The following TRAK1 variants were observed in gnomAD, a reference collection of about 807,000 sequenced individuals.
The protein encoded by TRAK1 is trafficking kinesin protein 1.
Under a neutral mutation model 92.1 loss-of-function variants are expected in TRAK1, and 33 were observed. That is an observed-to-expected ratio of 0.36 (90% confidence interval 0.27 to 0.48). TRAK1 has a LOEUF of 0.48. TRAK1 is among the 20% of genes least tolerant of loss of function. The pLI, the probability that TRAK1 is intolerant of heterozygous loss-of-function variation, is 0.99. For missense variants in TRAK1, 1,123 were observed against 1,257.9 expected, an observed-to-expected ratio of 0.89 and a Z score of 1.62; for synonymous variants, 521 against 517.3, an observed-to-expected ratio of 1.01 and a Z score of -0.10.
intron 1 of TRAK1, among the ~76,000 whole-genome samples, chr3:42,043,415 T>C (rs893258552): frequency 1.3e-5 from 2 of 151,906 alleles, no homozygotes; most frequent in African/African-American, 4.8e-5. Context: ...TTTCTCCTCC[T>C]AGTCCCCTCC....
chr3:42,133,939 A>T (rs1385318272), intron 2 of TRAK1, among the ~76,000 whole-genome samples: 1 of 152,356 alleles, frequency 6.6e-6, no homozygotes, highest in East Asian at 1.9e-4. Context: ...AAATTTTTTT[A>T]AAAAGAATAC....
chr3:42,042,232 C>A (rs1167574380), intron 1 of TRAK1, among the ~76,000 whole-genome samples: 2 of 151,684 alleles, frequency 1.3e-5, no homozygotes, highest in Non-Finnish European at 2.9e-5. Context: ...CGGCCTGTTT[C>A]TAGTTTGTTG....
chr3:42,184,810 T>G lies in TRAK1; in HGVS notation c.480+9T>G, dbSNP rs775031153. The G allele has an allele frequency of 6.2e-7, 1 of 1,612,178 alleles. No individual in the cohort carries two copies. Among genetic ancestry groups the G allele is most frequent in the East Asian group, 2.2e-5 (1 of 44,874 alleles). ...AACACATCAGGGAGGAGGTAAGACA[T>G]TGGAGGCCGAGGCTTCCAGAGGGGC... On this transcript the variant is annotated intron_variant, in intron 4 of 15. Transcript: ENST00000327628.
At chr3:42,159,154 C>G (rs1171147787) in intron 2 of TRAK1, among the ~76,000 whole-genome samples, 1 of 152,022 alleles carries the variant, frequency 6.6e-6, no homozygotes, top group Admixed American at 6.6e-5. Flanking sequence ...GCAGAATTCT[C>G]GGCCCTAAGG....
At chr3:42,084,247 A>G (rs1261928229), upstream of TRAK1, among the ~76,000 whole-genome samples, 1 of 152,114 alleles carries the variant, frequency 6.6e-6, no homozygotes, top group African/African-American at 2.4e-5. Flanking sequence ...GCTAATTTAT[A>G]GACTCGGTAT....
At chr3:42,148,919 G>T (rs750268859) in intron 2 of TRAK1, among the ~76,000 whole-genome samples, 1 of 152,166 alleles carries the variant, frequency 6.6e-6, no homozygotes, top group African/African-American at 2.4e-5. Context: ...TCTTTCTATC[G>T]TGACCCAAAG....
rs776184775 is a variant in TRAK1, at chr3:42,223,294, G to A, written c.2419G>A (p.Asp807Asn). 3.8e-5 allele frequency: 61 copies of A among 1,613,990 alleles called. No individual in the cohort carries two copies. Among genetic ancestry groups the A allele is most frequent in the South Asian group, 1.5e-4 (14 of 91,080 alleles). Residue 807 changes from aspartate to asparagine, a missense_variant, in exon 16 of 16, where the codon GAC (aspartate) becomes AAC (asparagine). Physicochemically the swap from Asp to Asn is conservative, Grantham distance 23. Around this residue, in one of 3 missense-constraint regions of TRAK1, gnomAD observed 401 missense variants for 438.9 expected, o/e 0.91. Transcript: ENST00000327628. The surrounding 1 kb of genome is among the most constrained non-coding windows in gnomAD (Gnocchi z 6.1). ...FEFKCTSPPY[D>N]NFLASKPASS... ...GTTCAAGTGCACGAGCCCTCCCTAC[G>A]ACAATTTCCTGGCTTCCAAGCCAGC...
intron 1 of TRAK1, among the ~76,000 whole-genome samples, chr3:42,053,533 G>A (rs1576190460): frequency 6.6e-6 from 1 of 152,052 alleles, no homozygotes; most frequent in South Asian, 2.1e-4. Flanking sequence ...TTTCCTCCTG[G>A]ACCCTGGTGT....
chr3:42,125,297 T>A (rs1159199982), intron 1 of TRAK1, 123 bp from the exon 2 acceptor site: 2 of 826,536 alleles, frequency 2.4e-6, no homozygotes, highest in African/African-American at 3.4e-5. Context: ...TATAGCCTTG[T>A]CTAGCTTCTT....
chr3:42,109,803 G>A (rs1708085569), intron 1 of TRAK1, among the ~76,000 whole-genome samples: 1 of 151,860 alleles, frequency 6.6e-6, no homozygotes, highest in African/African-American at 2.4e-5. Flanking sequence ...TCCTTTGTAG[G>A]GACATGGATG....
intron 1 of TRAK1, among the ~76,000 whole-genome samples, chr3:42,107,841 G>A (rs1484045630): frequency 1.3e-5 from 2 of 151,706 alleles, no homozygotes; most frequent in Non-Finnish European, 2.9e-5. Context: ...TTCAGAGGGA[G>A]ACTGTGCAGT....
chr3:42,218,486 G>A (rs1007112520), intron 14 of TRAK1: 7 of 984,908 alleles, frequency 7.1e-6, no homozygotes, highest in Non-Finnish European at 8.4e-6. Flanking sequence ...GCACTTCATC[G>A]TGCATGCTAT....
intron 1 of TRAK1, among the ~76,000 whole-genome samples, chr3:42,098,729 G>A (rs1035900946): frequency 6.6e-6 from 1 of 152,184 alleles, no homozygotes; most frequent in African/African-American, 2.4e-5. Flanking sequence ...CATGGTGTTG[G>A]AAAAGAAGGA....
At chr3:42,124,137 TA>T (rs35151425) in intron 1 of TRAK1, among the ~76,000 whole-genome samples, 88,382 of 146,904 alleles carry the variant, frequency 0.6, 26,366 homozygotes, top group South Asian at 0.75. Flanking sequence ...GACACTGTCT[TA>T]AAAAAAAAAA....
At chr3:42,046,152 T>C (rs1702741026) in intron 1 of TRAK1, among the ~76,000 whole-genome samples, 1 of 152,130 alleles carries the variant, frequency 6.6e-6, no homozygotes, top group Admixed American at 6.6e-5. Context: ...AAGCCAGTAA[T>C]GTGTGTTCTG....
chr3:42,128,595 A>T (rs1262109976), intron 2 of TRAK1, among the ~76,000 whole-genome samples: 1 of 152,158 alleles, frequency 6.6e-6, no homozygotes, highest in African/African-American at 2.4e-5. Flanking sequence ...GGAGCAAAAA[A>T]ATTACTTTTA....
At chr3:42,109,825 C>G (rs1423998949) in intron 1 of TRAK1, among the ~76,000 whole-genome samples, 2 of 151,782 alleles carry the variant, frequency 1.3e-5, no homozygotes, top group African/African-American at 2.4e-5. Context: ...AGCTGGAAAC[C>G]ATCATTCTCA....
In TRAK1 at chr3:42,209,902, A is replaced by G. The variant is rs763760880; in HGVS notation, c.1880A>G (p.Asp627Gly). Residue 627 changes from aspartate to glycine, a missense_variant, in exon 14 of 16, where the codon GAC becomes GGC. Physicochemically the swap from Asp to Gly is moderately conservative, Grantham distance 94. Coordinates refer to ENST00000327628, the MANE Select transcript of TRAK1 (RefSeq NM_001042646.3). ...CTGGACGAAGTGTACTGCCTTAACGACTTTGAAGAAGATGACACAGGTGAC... is the reference window on the plus strand; with the variant it reads ...CTGGACGAAGTGTACTGCCTTAACGGCTTTGAAGAAGATGACACAGGTGAC... The part of the protein sequence containing the change: ...VDLDEVYCLN[D>G]FEEDDTGDHI... 2 of 1,614,140 alleles carry G rather than the reference A, an allele frequency of 1.2e-6. No individual in the cohort carries two copies. The highest frequency in any genetic ancestry group is 1.1e-5 in the South Asian group (1 of 91,084).
intron 2 of TRAK1, among the ~76,000 whole-genome samples, chr3:42,132,177 C>T (rs991392527): frequency 3.3e-5 from 5 of 151,920 alleles, no homozygotes; most frequent in African/African-American, 9.7e-5. Context: ...TGCATTTAAC[C>T]TGTACACATC....
Sources: gnomAD v4.1 joint callset for allele counts (sites outside exome capture counted in the v4.1 genomes callset) on GRCh38, gnomAD v4.1.1 for gene constraint, gnomAD v4.1.1 regional missense constraint, Gnocchi (gnomAD v3.1) non-coding constraint, MANE v1.5 for transcripts, NCBI Gene and HGNC (gene_info 2026-07-23, HGNC 2026-07-21) for gene names.